The following CERKL variants were observed in gnomAD, a reference collection of about 807,000 sequenced individuals.
CERKL encodes the protein ceramide kinase-like protein.
In CERKL, 61 loss-of-function variants were observed where a neutral mutation model predicts 63.4. The observed-to-expected ratio is 0.96, with a 90% CI of 0.78 to 1.19. The LOEUF (loss-of-function observed/expected upper bound fraction) is 1.19. CERKL is among the 50% of genes most tolerant of loss of function. CERKL has a pLI of 0.00. For synonymous variants in CERKL, 250 were observed against 230.5 expected, an observed-to-expected ratio of 1.08 and a Z score of -0.77; for missense variants, 675 against 655.5, an observed-to-expected ratio of 1.03 and a Z score of -0.33.
At chr2:181,623,307 T>G (rs1488769004) in intron 1 of CERKL, among the ~76,000 whole-genome samples, 2 of 152,068 alleles carry the variant, frequency 1.3e-5, no homozygotes, top group Non-Finnish European at 2.9e-5. Context: ...ACAGGCCAAA[T>G]CAATAATAGA....
chr2:181,656,858 C>T lies in CERKL; in HGVS notation c.149G>A (p.Gly50Asp), dbSNP rs753150473. The T allele has an allele frequency of 1.8e-5, 29 of 1,604,146 alleles. No homozygotes were observed. Among genetic ancestry groups the T allele is most frequent in the Non-Finnish European group, 2.4e-5 (28 of 1,173,808 alleles). ...ACTGTCCCTCCCGATCTCGAAGATG[C>T]CCCGGAGCAGAATCCGCTCGGCCGC... ...EAAAERILLR[G>D]IFEIGRDSCD... Residue 50 changes from glycine (G) to aspartate (D), a missense_variant, in exon 1 of 13, where the codon GGC becomes GAC. Gly to Asp is a moderately conservative substitution (Grantham distance 94, BLOSUM62 -1). Coordinates refer to ENST00000410087, the MANE Select transcript of CERKL (RefSeq NM_201548.5).
intron 2 of CERKL, among the ~76,000 whole-genome samples, chr2:181,592,372 T>C (rs944315672): frequency 6.6e-6 from 1 of 152,206 alleles, no homozygotes; most frequent in Non-Finnish European, 1.5e-5. Flanking sequence ...AGTTTATTGT[T>C]TTAACCAGAA....
chr2:181,595,453 G>A (rs1685166095), intron 2 of CERKL, among the ~76,000 whole-genome samples: 1 of 152,102 alleles, frequency 6.6e-6, no homozygotes, highest in Non-Finnish European at 1.5e-5. Flanking sequence ...AGATGATATG[G>A]ATACTTTCTA....
At chr2:181,582,338 T>A (rs1289362221) in intron 2 of CERKL, among the ~76,000 whole-genome samples, 2 of 152,226 alleles carry the variant, frequency 1.3e-5, no homozygotes, top group African/African-American at 4.8e-5. Flanking sequence ...AAATGTTTCA[T>A]GAGGCTGCAT....
intron 8 of CERKL, 36 bp downstream of exon 8, chr2:181,548,509 T>C (rs1312904533): frequency 2.8e-6 from 4 of 1,408,644 alleles, no homozygotes; most frequent in Non-Finnish European, 3.0e-6. Context: ...GCTTTAAAGA[T>C]ACAGGTTATC....
chr2:181,598,014 C>A (rs1685293475), intron 2 of CERKL, among the ~76,000 whole-genome samples: 1 of 152,134 alleles, frequency 6.6e-6, no homozygotes, highest in Non-Finnish European at 1.5e-5. Flanking sequence ...GAGAGGGGGT[C>A]ATCTGTGGCA....
intron 1 of CERKL, among the ~76,000 whole-genome samples, chr2:181,607,125 C>G (rs1685752291): frequency 1.3e-5 from 2 of 152,210 alleles, no homozygotes; most frequent in Non-Finnish European, 2.9e-5. Flanking sequence ...TCCATTAGGG[C>G]AAGGCTATCG....
chr2:181,656,857 G>A lies in CERKL; in HGVS notation c.150C>T (p.Gly50=), dbSNP rs765901307. ...EAAAERILLR[G]IFEIGRDSCD... ...AACTGTCCCTCCCGATCTCGAAGAT[G>A]CCCCGGAGCAGAATCCGCTCGGCCG... is the stretch of plus-strand genomic sequence containing the variant. Residue 50 remains glycine, a synonymous_variant, in exon 1 of 13, where the codon GGC becomes GGT. Transcript: ENST00000410087. 1 of 1,603,594 alleles carries A rather than the reference G, an allele frequency of 6.2e-7. No individual in the cohort carries two copies. Among genetic ancestry groups the A allele is most frequent in the Non-Finnish European group, 8.5e-7 (1 of 1,173,190 alleles).
At chr2:181,636,520 C>A (rs1687187492) in intron 1 of CERKL, among the ~76,000 whole-genome samples, 1 of 152,042 alleles carries the variant, frequency 6.6e-6, no homozygotes, top group African/African-American at 2.4e-5. Context: ...CTTTGTCACA[C>A]CTTCCTCAAT....
chr2:181,559,016 C>A (rs1688325082), intron 4 of CERKL, among the ~76,000 whole-genome samples: 1 of 152,080 alleles, frequency 6.6e-6, no homozygotes, highest in South Asian at 2.1e-4. Flanking sequence ...TGTTAACATC[C>A]AAAAGCATAT....
At chr2:181,568,924 G>T (rs1688786487) in intron 3 of CERKL, among the ~76,000 whole-genome samples, 1 of 149,894 alleles carries the variant, frequency 6.7e-6, no homozygotes. Flanking sequence ...AAGTGGTTAA[G>T]TATAATGCAA....
In CERKL at chr2:181,548,534, T is replaced by C. The variant is rs370011429; in HGVS notation, c.1133+11A>G. 6.3e-7 allele frequency: 1 copy of C among 1,594,398 alleles called. No individual in the cohort carries two copies. The highest frequency in any genetic ancestry group is 8.6e-7 in the Non-Finnish European group (1 of 1,163,024). Reference sequence around the variant, plus strand: ...TACAGGTTATCTGTATTACATTGAGTTTTTACCTACCTTTCTTGCACATCA... The same window carrying C: ...TACAGGTTATCTGTATTACATTGAGCTTTTACCTACCTTTCTTGCACATCA... On this transcript the variant is annotated intron_variant, in intron 8 of 12. Transcript: ENST00000410087.
rs556929179 is a variant in CERKL, at chr2:181,548,335, GAA to G, written c.1133+208_1133+209del. 9.9e-5 allele frequency: 58 copies of G among 586,128 alleles called. No homozygotes were observed. In the East Asian group the frequency reaches 1.3e-3, roughly 13 times the overall value. The allele number at this position is 586,128 out of a possible 1,614,324, so 36.3% of individuals were successfully genotyped here. On this transcript the variant is annotated intron_variant, in intron 8 of 12. Transcript: ENST00000410087. Reference sequence around the variant, plus strand: ...GGAAGGAGGGAGGGAGAGACAGGGGGAAGGAAGGGAGGAAAGAAGGAAGGAAA... The same window carrying G: ...GGAAGGAGGGAGGGAGAGACAGGGGGGGAAGGGAGGAAAGAAGGAAGGAAA...
chr2:181,598,369 T>C (rs1685309189), intron 2 of CERKL, among the ~76,000 whole-genome samples: 1 of 152,146 alleles, frequency 6.6e-6, no homozygotes, highest in African/African-American at 2.4e-5. Context: ...AAAATCTTTA[T>C]GAACTGAAGG....
intron 1 of CERKL, among the ~76,000 whole-genome samples, chr2:181,645,420 C>T (rs1687627163): frequency 6.6e-6 from 1 of 152,248 alleles, no homozygotes; most frequent in South Asian, 2.1e-4. Context: ...TCTTCCCTCT[C>T]CTCCATCTAG....
intron 11 of CERKL, among the ~76,000 whole-genome samples, chr2:181,543,857 G>C (rs115892105): frequency 0.013 from 1,913 of 151,976 alleles, 49 homozygotes; most frequent in African/African-American, 0.044. Flanking sequence ...GGAGGTGTGA[G>C]CCTGTAATCC....
At chr2:181,601,166 CA>C (rs1400952003) in intron 2 of CERKL, among the ~76,000 whole-genome samples, 1 of 152,000 alleles carries the variant, frequency 6.6e-6, no homozygotes. Context: ...CACAACATAC[CA>C]AAACCCCTGG....
At chr2:181,611,805 C>A (rs1301781375) in intron 1 of CERKL, among the ~76,000 whole-genome samples, 1 of 152,072 alleles carries the variant, frequency 6.6e-6, no homozygotes, top group Non-Finnish European at 1.5e-5. Context: ...TGCATGTAAG[C>A]ATGAATATGC....
chr2:181,553,544 T>G (rs1688079985), intron 5 of CERKL, among the ~76,000 whole-genome samples: 1 of 152,192 alleles, frequency 6.6e-6, no homozygotes, highest in Admixed American at 6.6e-5. Context: ...AAAGACCATT[T>G]ATTCCCTGTG....
Sources: allele counts gnomAD v4.1 joint callset (sites outside exome capture counted in the v4.1 genomes callset), GRCh38; gene constraint gnomAD v4.1.1; transcripts MANE v1.5; gene names NCBI Gene and HGNC (gene_info 2026-07-23, HGNC 2026-07-21).